TNR: variants seen among roughly 807,000 people sequenced by gnomAD.
The protein encoded by TNR is tenascin R, also known as tenascin-R.
Under a neutral mutation model 150.4 loss-of-function variants are expected in TNR, and 45 were observed. The observed-to-expected ratio is 0.30, with a 90% confidence interval of 0.24 to 0.38. The LOEUF is 0.38. Ranked by LOEUF, TNR falls within the 10% of genes least tolerant of loss-of-function variation. The pLI, the probability that TNR is intolerant of heterozygous loss-of-function variation, is 1.00. For missense variants in TNR, 1,544 were observed against 1,759.1 expected (o/e 0.88, Z 2.19); for synonymous variants, 687 against 678.4 (o/e 1.01, Z -0.20).
intron 1 of TNR, among the ~76,000 whole-genome samples, chr1:175,615,477 T>C (rs1220646532): frequency 6.6e-6 from 1 of 152,188 alleles, no homozygotes; most frequent in Admixed American, 6.5e-5. Flanking sequence ...GTCCTGCCCC[T>C]TACACAGGCA....
intron 1 of TNR, among the ~76,000 whole-genome samples, chr1:175,687,394 T>A (rs1558073348): frequency 6.6e-6 from 1 of 152,122 alleles, no homozygotes; most frequent in East Asian, 1.9e-4. Context: ...ACGGTCTTCT[T>A]ACAAAGGCTT....
rs188689343 is a variant in TNR at position 175,535,664 on chromosome 1, G to T, written c.-164-7295C>A. ...TTTTGGTATTTTTAGTAGAGACGGG[G>T]TCTCACTGTGTTAGCTGTATTTCTT... On this transcript the variant is annotated intron_variant, in intron 1 of 22. Transcript: ENST00000367674. Among the ~76,000 whole-genome samples the T allele has an allele frequency of 2.0e-5, 3 of 151,820 alleles. No homozygotes were observed. In the East Asian group the frequency reaches 5.8e-4, roughly 29 times the overall value.
At chr1:175,629,788 G>A (rs1664267114) in intron 1 of TNR, among the ~76,000 whole-genome samples, 1 of 152,196 alleles carries the variant, frequency 6.6e-6, no homozygotes, top group Non-Finnish European at 1.5e-5. Context: ...GCCTTGAGGG[G>A]TCTGAAGCTC....
intron 1 of TNR, among the ~76,000 whole-genome samples, chr1:175,697,566 C>T (rs1282331687): frequency 6.6e-6 from 1 of 152,316 alleles, no homozygotes; most frequent in Non-Finnish European, 1.5e-5. Flanking sequence ...CACTTCACTC[C>T]CAGCCCCATC....
intron 1 of TNR, among the ~76,000 whole-genome samples, chr1:175,581,999 C>T (rs1662367985): frequency 6.6e-6 from 1 of 152,154 alleles, no homozygotes; most frequent in African/African-American, 2.4e-5. Context: ...ATCTAGGATT[C>T]ATCAAAAGGA....
chr1:175,713,795 G>T (rs906515618), intron 1 of TNR, among the ~76,000 whole-genome samples: 2 of 152,162 alleles, frequency 1.3e-5, no homozygotes, highest in Admixed American at 6.5e-5. Flanking sequence ...AGCTCCCAGC[G>T]CTGACTAAAC....
At chr1:175,462,330 C>T (rs76880228) in intron 2 of TNR, among the ~76,000 whole-genome samples, 2 of 152,254 alleles carry the variant, frequency 1.3e-5, no homozygotes, top group African/African-American at 2.4e-5. Flanking sequence ...ATGAAGGAAA[C>T]GATGAGGCTG....
At chr1:175,710,656 C>G (rs184748524) in intron 1 of TNR, among the ~76,000 whole-genome samples, 23 of 152,268 alleles carry the variant, frequency 1.5e-4, no homozygotes, top group African/African-American at 5.5e-4. Flanking sequence ...CTCAATCTGT[C>G]CCCCTTTCCT....
intron 1 of TNR, among the ~76,000 whole-genome samples, chr1:175,713,719 G>A (rs1396924976): frequency 2.6e-5 from 4 of 152,158 alleles, no homozygotes; most frequent in African/African-American, 7.2e-5. Flanking sequence ...GGAGAAGAGT[G>A]ACATTTCTCT....
intron 2 of TNR, among the ~76,000 whole-genome samples, chr1:175,519,614 A>G (rs1234146491): frequency 6.6e-6 from 1 of 152,228 alleles, no homozygotes; most frequent in Non-Finnish European, 1.5e-5. Context: ...CACAATAATT[A>G]TCACAGCTTC....
intron 18 of TNR, among the ~76,000 whole-genome samples, chr1:175,353,606 G>C (rs1651167777): frequency 6.6e-6 from 1 of 152,126 alleles, no homozygotes; most frequent in Non-Finnish European, 1.5e-5. Flanking sequence ...CTGTGGAATG[G>C]GGATCATAGG....
At position 175,317,336 on chromosome 1, in the gene TNR, A is replaced by C. The variant is rs1426693346; in HGVS notation, c.*6021T>G. On this transcript the variant is annotated 3_prime_UTR_variant, in exon 23 of 23. Transcript: ENST00000367674. ...AACTTTCTTGCCCTTGGTTTCCTTG[A>C]GAGGAAATAAAATGAGAGGATTATA... 1 of 152,196 alleles carries C rather than the reference A, an allele frequency of 6.6e-6. No homozygotes were observed. Among genetic ancestry groups the C allele is most frequent in the African/African-American group, 2.4e-5 (1 of 41,460 alleles). 9.4% of individuals were successfully genotyped at this position (152,196 alleles called of 1,614,324 possible).
intron 2 of TNR, among the ~76,000 whole-genome samples, chr1:175,461,050 G>T (rs1656794917): frequency 6.6e-6 from 1 of 152,244 alleles, no homozygotes; most frequent in African/African-American, 2.4e-5. Flanking sequence ...GTGGGAGAGG[G>T]CTTCTGCTAT....
chr1:175,373,126 G>C (rs889652217), intron 9 of TNR, among the ~76,000 whole-genome samples: 2 of 152,130 alleles, frequency 1.3e-5, no homozygotes, highest in East Asian at 1.9e-4. Flanking sequence ...GAGTGTTGGG[G>C]AGACTCCGAA....
chr1:175,403,489 G>A lies in TNR; in HGVS notation c.627C>T (p.Ser209=), dbSNP rs1423319905. 1.9e-6 allele frequency: 3 copies of A among 1,614,100 alleles called. No homozygotes were observed. The highest frequency in any genetic ancestry group is 1.3e-5 in the African/African-American group (1 of 74,936). Residue 209 remains serine, a synonymous_variant, in exon 4 of 23, where the codon TCC becomes TCT. Transcript: ENST00000367674. ...CSEPYCPLGC[S]SRGVCVDGQC... is the part of the protein sequence containing the mutation. ...GGCCATCCACACACACCCCCCGGCT[G>A]GAGCAACCCAGCGGGCAGTAGGGCT...
At chr1:175,547,224 G>A (rs916017229) in intron 1 of TNR, among the ~76,000 whole-genome samples, 1 of 152,162 alleles carries the variant, frequency 6.6e-6, no homozygotes, top group Non-Finnish European at 1.5e-5. Flanking sequence ...TCAGATATCA[G>A]CATCTCTGCC....
chr1:175,426,757 C>A lies in TNR; in HGVS notation c.-63-19980G>T, dbSNP rs191401847. On this transcript the variant is annotated intron_variant, in intron 2 of 22. Transcript: ENST00000367674. Reference sequence around the variant, plus strand: ...TAATGTGTGTTTATATCTATACACGCGTGTGTGTGTATAAATATATATACA... The same window carrying A: ...TAATGTGTGTTTATATCTATACACGAGTGTGTGTGTATAAATATATATACA... Among the ~76,000 whole-genome samples the A allele has an allele frequency of 2.0e-3, 265 of 130,860 alleles. 3 individuals carry two copies. The highest frequency in any genetic ancestry group is 0.02 in the Admixed American group (242 of 12,394). 85.8% of individuals were successfully genotyped at this position (130,860 alleles called of 152,430 possible).
rs563149851 is a variant in TNR at position 175,337,518 on chromosome 1, T to C, written c.3534+10A>G. On this transcript the variant is annotated intron_variant, in intron 19 of 22. Coordinates refer to ENST00000367674, the MANE Select transcript of TNR (RefSeq NM_003285.3). Reference sequence around the variant, plus strand: ...CGCTTCTGTGCAAGGAGAGCACAGATTGTACTTACAATCCAGCCGCCCCCG... The same window carrying C: ...CGCTTCTGTGCAAGGAGAGCACAGACTGTACTTACAATCCAGCCGCCCCCG... 1.9e-6 allele frequency: 3 copies of C among 1,612,564 alleles called. No individual in the cohort carries two copies. The African/African-American group carries it at 4.0e-5, about 22-fold the overall frequency.
intron 1 of TNR, among the ~76,000 whole-genome samples, chr1:175,714,332 G>A (rs1667095966): frequency 6.6e-6 from 1 of 152,094 alleles, no homozygotes; most frequent in Admixed American, 6.5e-5. Flanking sequence ...GAAGGCAGAT[G>A]ATATAAATGA....
Sources: gnomAD v4.1 joint callset for allele counts (sites outside exome capture counted in the v4.1 genomes callset) on GRCh38, gnomAD v4.1.1 for gene constraint, MANE v1.5 for transcripts, NCBI Gene and HGNC (gene_info 2026-07-23, HGNC 2026-07-21) for gene names.